CSGALNACT1: variants seen among roughly 807,000 people sequenced by gnomAD.
CSGALNACT1 encodes the protein beta4GalNAcT-1.
A neutral mutation model predicts 51.0 loss-of-function variants in CSGALNACT1; 52 were observed. That is an observed-to-expected ratio of 1.02 (90% confidence interval 0.82 to 1.29). CSGALNACT1 has a LOEUF of 1.29. Among genes scored for constraint, CSGALNACT1 ranks in the 50% most tolerant of loss-of-function variants. CSGALNACT1 has a pLI of 0.00. For synonymous variants in CSGALNACT1, 341 were observed against 254.4 expected, an observed-to-expected ratio of 1.34 and a Z score of -3.24; for missense variants, 935 against 679.2, an observed-to-expected ratio of 1.38 and a Z score of -4.19.
chr8:19,503,710 G>C (rs914513012), intron 4 of CSGALNACT1, among the ~76,000 whole-genome samples: 2 of 151,572 alleles, frequency 1.3e-5, no homozygotes, highest in Non-Finnish European at 2.9e-5. Context: ...CTCTTACTGT[G>C]TGCTTACCAT....
intron 4 of CSGALNACT1, among the ~76,000 whole-genome samples, chr8:19,464,567 C>T (rs2066256021): frequency 6.6e-6 from 1 of 152,062 alleles, no homozygotes; most frequent in Non-Finnish European, 1.5e-5. Context: ...TGGTACCAGT[C>T]CGTGGCCTGT....
rs1185325457 is a variant in CSGALNACT1 at position 19,757,342 on chromosome 8, G to T, written c.-297+508C>A. On this transcript the variant is annotated intron_variant, in intron 1 of 1. Transcript: ENST00000517494. This position sits in a 1 kb window ranked among gnomAD's most constrained non-coding sequence, Gnocchi z 4.0. ...GGGGGCGGGGAGCAGCGGCGGCGGC[G>T]GCGGCTCGGGCGGGCGGGCGCAACA... 1 of 150,844 alleles carries T rather than the reference G, an allele frequency of 6.6e-6. No individual in the cohort carries two copies. Among genetic ancestry groups the T allele is most frequent in the African/African-American group, 2.4e-5 (1 of 41,164 alleles). The allele number at this position is 150,844 out of a possible 1,614,324, so 9.3% of individuals were successfully genotyped here. A position where few individuals can be genotyped will look rare whatever the true frequency, so the allele number is the denominator to read the frequency against.
At chr8:19,423,956 G>A (rs1225010374) in intron 6 of CSGALNACT1, among the ~76,000 whole-genome samples, 1 of 152,178 alleles carries the variant, frequency 6.6e-6, no homozygotes, top group Non-Finnish European at 1.5e-5. Context: ...TATGGGGGCC[G>A]GCGCACACAC....
intron 1 of CSGALNACT1, among the ~76,000 whole-genome samples, chr8:19,671,698 T>TAA (rs1191434390): frequency 6.6e-6 from 1 of 152,080 alleles, no homozygotes; most frequent in East Asian, 1.9e-4. Flanking sequence ...AGGGACGAAG[T>TAA]AAAGAGTAGA....
chr8:19,725,600 T>C lies in CSGALNACT1; in HGVS notation c.-297+32250A>G, dbSNP rs534316096. On this transcript the variant is annotated intron_variant, in intron 1 of 1. Transcript: ENST00000517494. ...CCACCATGCCCAGCTAGTTTTTGTATTTTTAGTAAAGACGGGCTTTCATCA... is the reference window on the plus strand; with the variant it reads ...CCACCATGCCCAGCTAGTTTTTGTACTTTTAGTAAAGACGGGCTTTCATCA... Among the ~76,000 whole-genome samples the C allele has an allele frequency of 3.9e-5, 6 of 151,992 alleles. No homozygotes were observed. The East Asian group carries it at 9.7e-4, about 25-fold the overall frequency.
intron 8 of CSGALNACT1, among the ~76,000 whole-genome samples, chr8:19,416,109 C>CTTTTTTTTTTTTTTTTTTTTTTTTTT (rs34491658): frequency 8.6e-6 from 1 of 116,716 alleles, no homozygotes; most frequent in South Asian, 2.9e-4. Flanking sequence ...GAAATGAAAA[C>CTTTTTTTTTTTTTTTTTTTTTTTTTT]TTTTTTTTTT....
intron 4 of CSGALNACT1, 84 bp from the exon 4 acceptor site, chr8:19,458,726 T>A: frequency 7.8e-7 from 1 of 1,277,112 alleles, no homozygotes; most frequent in East Asian, 2.3e-5. Flanking sequence ...TAGCACAGAA[T>A]GCCTTTAAAA....
intron 3 of CSGALNACT1, among the ~76,000 whole-genome samples, chr8:19,569,137 C>G (rs898808591): frequency 5.9e-5 from 9 of 152,162 alleles, no homozygotes; most frequent in Non-Finnish European, 1.3e-4. Context: ...GTACACAGTG[C>G]TACCATTAGC....
intron 4 of CSGALNACT1, among the ~76,000 whole-genome samples, chr8:19,491,481 A>C (rs1387448672): frequency 6.6e-6 from 1 of 152,200 alleles, no homozygotes; most frequent in Non-Finnish European, 1.5e-5. Context: ...TACTAAATAT[A>C]AATTTTCATT....
At chr8:19,678,855 G>C (rs1251363607) in intron 1 of CSGALNACT1, 3 of 152,172 alleles carry the variant, frequency 2.0e-5, no homozygotes, top group Non-Finnish European at 4.4e-5. Context: ...GGTAAGACCA[G>C]GAAGCCCTCA....
chr8:19,454,662 C>T (rs1436447078), intron 5 of CSGALNACT1, among the ~76,000 whole-genome samples: 1 of 152,076 alleles, frequency 6.6e-6, no homozygotes, highest in South Asian at 2.1e-4. Flanking sequence ...CAGTGAGACT[C>T]TGTCTCAAAA....
intron 1 of CSGALNACT1, among the ~76,000 whole-genome samples, chr8:19,681,829 A>T (rs553135768): frequency 1.3e-5 from 2 of 152,188 alleles, no homozygotes; most frequent in South Asian, 4.1e-4. Flanking sequence ...CTCTAGCCAC[A>T]CCATGTCATA....
chr8:19,501,149 C>T (rs2076344985), intron 4 of CSGALNACT1, among the ~76,000 whole-genome samples: 2 of 147,110 alleles, frequency 1.4e-5, no homozygotes, highest in African/African-American at 2.5e-5. Context: ...GCTAAGGAGG[C>T]TGAGGCAGGA....
In CSGALNACT1 at chr8:19,727,464, C is replaced by G. The variant is rs146704623; in HGVS notation, c.-297+30386G>C. Among the ~76,000 whole-genome samples the G allele has an allele frequency of 1.5e-3, 227 of 152,274 alleles. 2 individuals carry two copies. The highest frequency in any genetic ancestry group is 5.1e-3 in the African/African-American group (212 of 41,558). The stretch of plus-strand genomic sequence containing the variant: ...TCCCAGGCTCAAGTCATCCTTCCAA[C>G]TCAGCTTCCCAAGCAGCTGAGACTA... On this transcript the variant is annotated intron_variant, in intron 1 of 1. Transcript: ENST00000517494.
intron 1 of CSGALNACT1, among the ~76,000 whole-genome samples, chr8:19,675,822 G>C (rs2060136321): frequency 1.3e-5 from 2 of 152,082 alleles, no homozygotes; most frequent in African/African-American, 2.4e-5. Flanking sequence ...ACCCCACTCT[G>C]CCCAAGGTCT....
chr8:19,551,202 C>A (rs2087976463), intron 3 of CSGALNACT1, among the ~76,000 whole-genome samples: 2 of 152,334 alleles, frequency 1.3e-5, no homozygotes, highest in African/African-American at 4.8e-5. Context: ...GGATAACAGG[C>A]TGACACCAGC....
At chr8:19,486,434 C>G (rs543259729) in intron 4 of CSGALNACT1, among the ~76,000 whole-genome samples, 198 of 152,290 alleles carry the variant, frequency 1.3e-3, no homozygotes, top group Admixed American at 1.7e-3. Context: ...AAATCCTCAC[C>G]CGGGTCTATG....
intron 3 of CSGALNACT1, among the ~76,000 whole-genome samples, chr8:19,588,200 C>A (rs574459685): frequency 6.6e-6 from 1 of 150,698 alleles, no homozygotes; most frequent in Non-Finnish European, 1.5e-5. Context: ...TGTCCCCCAT[C>A]CCCTCAGCAA....
At chr8:19,442,601 A>C (rs1254746078) in intron 5 of CSGALNACT1, among the ~76,000 whole-genome samples, 2 of 151,464 alleles carry the variant, frequency 1.3e-5, no homozygotes, top group African/African-American at 2.4e-5. Context: ...GGATAGCATT[A>C]GGATATATGC....
Sources: allele counts gnomAD v4.1 joint callset (sites outside exome capture counted in the v4.1 genomes callset), GRCh38; gene constraint gnomAD v4.1.1; non-coding constraint Gnocchi (gnomAD v3.1); transcripts MANE v1.5; gene names NCBI Gene and HGNC (gene_info 2026-07-23, HGNC 2026-07-21).